Variants in TTC21B observed in about 807,000 individuals in gnomAD.
TTC21B encodes tetratricopeptide repeat protein 21B.
In TTC21B, 127 loss-of-function variants were observed where a neutral mutation model predicts 175.1. The observed-to-expected ratio is 0.73, with a 90% CI of 0.63 to 0.84. The LOEUF is 0.84. TTC21B is among the 40% of genes least tolerant of loss of function. The probability of loss-of-function intolerance (pLI) is 0.00; values close to 1 mark genes in which losing one functional copy is unlikely to be tolerated. For synonymous variants in TTC21B, 524 were observed against 524.5 expected, an observed-to-expected ratio of 1.00 and a Z score of 0.01; for missense variants, 1,561 against 1,558.3, an observed-to-expected ratio of 1.00 and a Z score of -0.03.
intron 5 of TTC21B, 129 bp from the exon 6 acceptor site, chr2:165,941,313 G>T: frequency 9.6e-7 from 1 of 1,038,670 alleles, no homozygotes; most frequent in Non-Finnish European, 1.4e-6. Flanking sequence ...CACTTTTTAA[G>T]TTTTTGTCAA....
chr2:165,905,843 G>A (rs1320016069), intron 19 of TTC21B, among the ~76,000 whole-genome samples: 1 of 152,142 alleles, frequency 6.6e-6, no homozygotes, highest in Non-Finnish European at 1.5e-5. Flanking sequence ...TATTTATTAG[G>A]TTGGTGCAAA....
chr2:165,875,090 T>C (rs1417405428), intron 28 of TTC21B, among the ~76,000 whole-genome samples: 1 of 152,170 alleles, frequency 6.6e-6, no homozygotes, highest in Non-Finnish European at 1.5e-5. Context: ...AATAGATGAA[T>C]TGTATAAAAC....
At chr2:165,920,551 G>T (rs1000868313) in intron 12 of TTC21B, among the ~76,000 whole-genome samples, 5 of 152,058 alleles carry the variant, frequency 3.3e-5, no homozygotes, top group African/African-American at 1.2e-4. Flanking sequence ...TAATAAATTT[G>T]TGTGAAAATT....
At chr2:165,902,557 C>A (rs1685604182) in intron 19 of TTC21B, among the ~76,000 whole-genome samples, 1 of 151,834 alleles carries the variant, frequency 6.6e-6, no homozygotes, top group African/African-American at 2.4e-5. Context: ...ACAGTCATAA[C>A]AGCATTCTTT....
chr2:165,946,469 A>G (rs1196715595), intron 3 of TTC21B, among the ~76,000 whole-genome samples: 1 of 152,234 alleles, frequency 6.6e-6, no homozygotes, highest in Non-Finnish European at 1.5e-5. Context: ...TGAATCAAGT[A>G]TCATTTTTAA....
chr2:165,874,974 G>A lies in TTC21B; in HGVS notation c.3874-142C>T, dbSNP rs550289196. On this transcript the variant is annotated intron_variant, in intron 28 of 28. Coordinates refer to ENST00000243344, the MANE Select transcript of TTC21B (RefSeq NM_024753.5). Reference sequence around the variant, plus strand: ...ACAGCTATAACACTTTTTAATGGTGGCATTTTAAATGTAACATGATGACTC... The same window carrying A: ...ACAGCTATAACACTTTTTAATGGTGACATTTTAAATGTAACATGATGACTC... 5.1e-5 allele frequency: 36 copies of A among 707,456 alleles called. No homozygotes were observed. The Admixed American group carries it at 5.2e-4, about 10-fold the overall frequency. The allele number at this position is 707,456 out of a possible 1,614,324, so 43.8% of individuals were successfully genotyped here.
At chr2:165,879,772 A>T (rs972961971) in intron 27 of TTC21B, 16 of 152,312 alleles carry the variant, frequency 1.1e-4, no homozygotes, top group East Asian at 5.8e-4. Flanking sequence ...ATTAAAAAAA[A>T]AATAATTATT....
At chr2:165,953,214 TAAAC>T (rs1687813700) in intron 1 of TTC21B, among the ~76,000 whole-genome samples, 3 of 152,334 alleles carry the variant, frequency 2.0e-5, no homozygotes, top group Non-Finnish European at 2.9e-5. Context: ...GAGTCAGTGA[TAAAC>T]AGAGAAGACC....
intron 15 of TTC21B, among the ~76,000 whole-genome samples, chr2:165,914,698 T>TGTGTGTGTGCGCGCGCGCG (rs71031214): frequency 7.6e-6 from 1 of 132,376 alleles, no homozygotes; most frequent in African/African-American, 3.1e-5. Flanking sequence ...TGTGTGTGTG[T>TGTGTGTGTGCGCGCGCGCG]TGTGTATCCC....
At chr2:165,931,691 C>G in intron 8 of TTC21B, 67 bp downstream of exon 8, 1 of 1,348,482 alleles carries the variant, frequency 7.4e-7, no homozygotes, top group Non-Finnish European at 1.1e-6. Context: ...CTGCTTCCAC[C>G]TTTTCCACTT....
chr2:165,928,127 C>T (rs1312463768), intron 11 of TTC21B, among the ~76,000 whole-genome samples: 1 of 152,106 alleles, frequency 6.6e-6, no homozygotes, highest in African/African-American at 2.4e-5. Context: ...TGGAAAAGAA[C>T]ATTATAGTAA....
intron 12 of TTC21B, among the ~76,000 whole-genome samples, chr2:165,922,566 CAAAAAA>C: frequency 1.0e-5 from 1 of 97,406 alleles, no homozygotes; most frequent in South Asian, 3.6e-4. Flanking sequence ...ATTAAAAAGT[CAAAAAA>C]AAAAAAAAAA....
chr2:165,900,013 A>C (rs1395530060), intron 20 of TTC21B, 133 bp from the exon 21 acceptor site: 2 of 667,746 alleles, frequency 3.0e-6, no homozygotes, highest in African/African-American at 3.7e-5. Flanking sequence ...ATAGACAAAA[A>C]AAAAAAAAAA....
At chr2:165,935,956 CAA>C (rs148441970) in intron 6 of TTC21B, among the ~76,000 whole-genome samples, 44,568 of 151,868 alleles carry the variant, frequency 0.29, 7,440 homozygotes, top group Non-Finnish European at 0.39. Context: ...AGGATATTGA[CAA>C]ACTCATCCTA....
At chr2:165,951,253 G>A (rs10497274) in intron 1 of TTC21B, among the ~76,000 whole-genome samples, 2,793 of 152,240 alleles carry the variant, frequency 0.018, 122 homozygotes, top group Admixed American at 0.1. Context: ...CAGTGGCATA[G>A]CACCATAAAA....
intron 12 of TTC21B, among the ~76,000 whole-genome samples, chr2:165,922,511 A>C (rs1686448919): frequency 6.6e-6 from 1 of 151,568 alleles, no homozygotes; most frequent in Non-Finnish European, 1.5e-5. Flanking sequence ...AATGTAAATT[A>C]AAACTATAGT....
At chr2:165,893,092 T>C (rs1685248808) in intron 22 of TTC21B, among the ~76,000 whole-genome samples, 2 of 152,168 alleles carry the variant, frequency 1.3e-5, no homozygotes. Context: ...ATTCAAATAT[T>C]GGTCTTGTCC....
At chr2:165,949,747 T>G in intron 1 of TTC21B, 23 bp from the exon 2 acceptor site, 1 of 1,598,054 alleles carries the variant, frequency 6.3e-7, no homozygotes, top group Non-Finnish European at 8.6e-7. Context: ...AATGAAAAAA[T>G]GTTATAAAGG....
intron 23 of TTC21B, 74 bp downstream of exon 23, chr2:165,890,764 A>G: frequency 6.4e-7 from 1 of 1,555,882 alleles, no homozygotes; most frequent in Non-Finnish European, 8.8e-7. Flanking sequence ...TTTTTACTAC[A>G]AAGAAAAGCT....
Sources: allele counts gnomAD v4.1 joint callset (sites outside exome capture counted in the v4.1 genomes callset), GRCh38; gene constraint gnomAD v4.1.1; transcripts MANE v1.5; gene names NCBI Gene and HGNC (gene_info 2026-07-23, HGNC 2026-07-21).